CPED1: variants seen among roughly 807,000 people sequenced by gnomAD.
CPED1 encodes the protein cadherin like and PC-esterase domain containing 1.
A neutral mutation model predicts 128.2 loss-of-function variants in CPED1; 114 were observed. The ratio of observed to expected loss-of-function variants is 0.89; its 90% CI spans 0.76 to 1.04. The LOEUF (loss-of-function observed/expected upper bound fraction) is 1.04. Among genes scored for constraint, CPED1 ranks in the 50% least tolerant of loss-of-function variants. The pLI, the probability that CPED1 is intolerant of heterozygous loss-of-function variation, is 0.00. For missense variants in CPED1, 1,211 were observed against 1,207.1 expected, an observed-to-expected ratio of 1.00 and a Z score of -0.05; for synonymous variants, 462 against 426.7, an observed-to-expected ratio of 1.08 and a Z score of -1.02.
intron 16 of CPED1, among the ~76,000 whole-genome samples, chr7:121,216,595 A>G (rs1344751815): frequency 2.0e-5 from 3 of 151,974 alleles, no homozygotes; most frequent in African/African-American, 7.2e-5. Context: ...GTGGGAGTCT[A>G]TATAGAACTC....
chr7:121,237,299 C>A (rs1798281590), intron 17 of CPED1, among the ~76,000 whole-genome samples: 1 of 152,084 alleles, frequency 6.6e-6, no homozygotes, highest in African/African-American at 2.4e-5. Flanking sequence ...ATAATTTGTA[C>A]ATAGTAGTTA....
chr7:121,175,075 C>T (rs1372102461), intron 16 of CPED1, among the ~76,000 whole-genome samples: 1 of 152,108 alleles, frequency 6.6e-6, no homozygotes, highest in East Asian at 1.9e-4. Flanking sequence ...GATTTTGTAT[C>T]CCAAGACTTT....
chr7:121,108,397 A>G (rs1795029905), intron 7 of CPED1, among the ~76,000 whole-genome samples: 1 of 152,118 alleles, frequency 6.6e-6, no homozygotes, highest in African/African-American at 2.4e-5. Flanking sequence ...TCACTTAAGA[A>G]CACTTTGTAA....
At chr7:121,085,080 G>A (rs866577873) in intron 5 of CPED1, among the ~76,000 whole-genome samples, 4 of 151,848 alleles carry the variant, frequency 2.6e-5, no homozygotes, top group African/African-American at 9.7e-5. Context: ...TATATTCACC[G>A]TTTACTCCAC....
intron 5 of CPED1, among the ~76,000 whole-genome samples, chr7:121,069,258 C>G (rs1240466920): frequency 6.6e-6 from 1 of 152,084 alleles, no homozygotes; most frequent in Non-Finnish European, 1.5e-5. Flanking sequence ...GCTTAGTTAT[C>G]GTATAATTCT....
At chr7:121,056,835 T>C (rs1793510834) in intron 4 of CPED1, among the ~76,000 whole-genome samples, 1 of 152,218 alleles carries the variant, frequency 6.6e-6, no homozygotes, top group Non-Finnish European at 1.5e-5. Context: ...TGATATTTTG[T>C]TTCATGCATA....
intron 18 of CPED1, among the ~76,000 whole-genome samples, chr7:121,263,078 T>A (rs1219287284): frequency 6.6e-6 from 1 of 152,132 alleles, no homozygotes; most frequent in East Asian, 1.9e-4. Context: ...GTTATTGAGA[T>A]ATTTGCGATT....
At chr7:121,181,184 TG>T (rs1163593337) in intron 16 of CPED1, among the ~76,000 whole-genome samples, 1 of 152,104 alleles carries the variant, frequency 6.6e-6, no homozygotes, top group Non-Finnish European at 1.5e-5. Context: ...CAGCTGAGCT[TG>T]TTTTATATAT....
chr7:121,212,524 A>G (rs938370111), intron 16 of CPED1, among the ~76,000 whole-genome samples: 1 of 152,024 alleles, frequency 6.6e-6, no homozygotes, highest in African/African-American at 2.4e-5. Context: ...CGAGTTGACC[A>G]TGTTCTTTTG....
chr7:121,057,266 C>T (rs1339008631), intron 4 of CPED1, among the ~76,000 whole-genome samples: 1 of 152,194 alleles, frequency 6.6e-6, no homozygotes, highest in African/African-American at 2.4e-5. Context: ...GTGTGAACCA[C>T]CGTGCCCAGC....
chr7:121,244,096 G>A (rs1798463671), intron 17 of CPED1, 106 bp from the exon 18 acceptor site: 1 of 1,299,360 alleles, frequency 7.7e-7, no homozygotes, highest in East Asian at 2.3e-5. Context: ...GATAAGGATG[G>A]TCTTACTATA....
chr7:121,001,763 G>T (rs1359570052), intron 2 of CPED1, among the ~76,000 whole-genome samples: 2 of 152,076 alleles, frequency 1.3e-5, no homozygotes, highest in Non-Finnish European at 2.9e-5. Flanking sequence ...AGAGTTGAGT[G>T]ACCATGGACA....
intron 22 of CPED1, among the ~76,000 whole-genome samples, chr7:121,278,065 G>A (rs927891513): frequency 2.0e-5 from 3 of 152,022 alleles, no homozygotes; most frequent in African/African-American, 7.2e-5. Flanking sequence ...GAGTGGTTTT[G>A]GTAAAATGTC....
chr7:121,239,326 T>C (rs1798332576), intron 17 of CPED1, among the ~76,000 whole-genome samples: 1 of 152,182 alleles, frequency 6.6e-6, no homozygotes, highest in Non-Finnish European at 1.5e-5. Flanking sequence ...GCCATTAAAC[T>C]TTTGAATGAT....
intron 16 of CPED1, among the ~76,000 whole-genome samples, chr7:121,161,177 C>T (rs957916035): frequency 2.0e-5 from 3 of 152,064 alleles, no homozygotes; most frequent in African/African-American, 7.2e-5. Context: ...GGCAGTGGGA[C>T]GGTGTTCTCT....
intron 16 of CPED1, among the ~76,000 whole-genome samples, chr7:121,144,146 A>G (rs1052836680): frequency 1.3e-5 from 2 of 152,058 alleles, no homozygotes; most frequent in Non-Finnish European, 2.9e-5. Context: ...TCAAAAAACT[A>G]AAAATACAAC....
chr7:121,221,469 G>T (rs1180007489), intron 16 of CPED1, among the ~76,000 whole-genome samples: 1 of 152,170 alleles, frequency 6.6e-6, no homozygotes, highest in Non-Finnish European at 1.5e-5. Flanking sequence ...AATCCTTTGG[G>T]TATATACCCA....
intron 5 of CPED1, among the ~76,000 whole-genome samples, chr7:121,071,178 C>G (rs144923215): frequency 2.6e-5 from 4 of 152,258 alleles, no homozygotes; most frequent in South Asian, 4.1e-4. Context: ...AAGACAGGAG[C>G]AAGTGGTCTC....
intron 18 of CPED1, among the ~76,000 whole-genome samples, chr7:121,247,805 C>T (rs1397363305): frequency 1.3e-5 from 2 of 152,178 alleles, no homozygotes; most frequent in Non-Finnish European, 2.9e-5. Context: ...CCATCTCTGG[C>T]TATAGGCACC....
Sources: allele counts gnomAD v4.1 joint callset (sites outside exome capture counted in the v4.1 genomes callset), GRCh38; gene constraint gnomAD v4.1.1; transcripts MANE v1.5; gene names NCBI Gene and HGNC (gene_info 2026-07-23, HGNC 2026-07-21).